Variants in ACOT7 observed in about 807,000 individuals in gnomAD.
ACOT7 encodes acyl-CoA thioesterase 7, also known as cytosolic acyl coenzyme A thioester hydrolase.
A neutral mutation model predicts 40.2 loss-of-function variants in ACOT7; 12 were observed. The observed-to-expected ratio is 0.30, with a 90% CI of 0.19 to 0.48. The LOEUF (loss-of-function observed/expected upper bound fraction) is 0.48, where lower values mean the gene tolerates loss of function less well. ACOT7 is among the 20% of genes least tolerant of loss of function. The probability of loss-of-function intolerance (pLI) is 0.99; values close to 1 mark genes in which losing one functional copy is unlikely to be tolerated. For synonymous variants in ACOT7, 228 were observed against 219.5 expected (o/e 1.04, Z -0.34); for missense variants, 395 against 530.8 (o/e 0.74, Z 2.51).
chr1:6,327,442 C>G (rs763641948), intron 4 of ACOT7, 29 bp from the exon 5 acceptor site: 2 of 1,610,296 alleles, frequency 1.2e-6, no homozygotes, highest in Non-Finnish European at 1.7e-6. Context: ...AGGTCAGGCC[C>G]AGGCAGGACA....
intron 8 of ACOT7, among the ~76,000 whole-genome samples, chr1:6,271,512 A>G (rs2148366450): frequency 6.6e-6 from 1 of 152,324 alleles, no homozygotes; most frequent in South Asian, 2.1e-4. Flanking sequence ...GAAGCCAGCA[A>G]TGATGAGCTT....
At chr1:6,381,951 G>A (rs1170662318) in intron 1 of ACOT7, among the ~76,000 whole-genome samples, 6 of 149,188 alleles carry the variant, frequency 4.0e-5, no homozygotes, top group African/African-American at 1.2e-4. Flanking sequence ...TGGCTAACAC[G>A]GTGAAACCCC....
chr1:6,338,863 G>A lies in ACOT7; in HGVS notation c.418+570C>T, dbSNP rs1641182889. Among the ~76,000 whole-genome samples, 1 of 152,170 alleles carries A rather than the reference G, an allele frequency of 6.6e-6. No homozygotes were observed. The highest frequency in any genetic ancestry group is 6.5e-5 in the Admixed American group (1 of 15,284). On this transcript the variant is annotated intron_variant, in intron 3 of 8. Transcript: ENST00000361521. The surrounding 1 kb of genome is among the most constrained non-coding windows in gnomAD (Gnocchi z 4.4). ...GAAGCGTGAGCTGGTGAACACTGGA[G>A]CCGCCCCCTCCTGCAGCGCCCAGTG... is the stretch of plus-strand genomic sequence containing the variant.
chr1:6,362,952 C>T (rs1304588873), intron 1 of ACOT7, among the ~76,000 whole-genome samples: 2 of 151,546 alleles, frequency 1.3e-5, no homozygotes, highest in African/African-American at 4.9e-5. Context: ...ATCCAGGTGC[C>T]GAGGCAAGAG....
At chr1:6,307,261 G>T (rs78630437) in intron 6 of ACOT7, among the ~76,000 whole-genome samples, 1 of 152,220 alleles carries the variant, frequency 6.6e-6, no homozygotes, top group Non-Finnish European at 1.5e-5. Flanking sequence ...TGCAGCGCAC[G>T]TGCAGCCTGG....
chr1:6,337,318 G>C (rs973048288), intron 3 of ACOT7, among the ~76,000 whole-genome samples: 1 of 152,188 alleles, frequency 6.6e-6, no homozygotes, highest in East Asian at 1.9e-4. Context: ...CCTTGGCTCT[G>C]CACAGGAGCC....
intron 1 of ACOT7, among the ~76,000 whole-genome samples, chr1:6,378,879 G>A (rs1387423031): frequency 6.6e-6 from 1 of 151,708 alleles, no homozygotes; most frequent in African/African-American, 2.4e-5. Context: ...TAGAGTCCTA[G>A]TTTTATTATT....
chr1:6,303,107 A>T (rs1640017129), intron 6 of ACOT7, among the ~76,000 whole-genome samples: 1 of 152,134 alleles, frequency 6.6e-6, no homozygotes, highest in Non-Finnish European at 1.5e-5. Context: ...TCGAGTGCCT[A>T]AGTTTTTTCC....
chr1:6,346,778 G>A (rs1474051604), intron 2 of ACOT7, among the ~76,000 whole-genome samples: 2 of 152,196 alleles, frequency 1.3e-5, no homozygotes, highest in African/African-American at 4.8e-5. Context: ...TGGACCCAAA[G>A]TGGGGGTGGG....
At chr1:6,267,072 G>A (rs559767302) in intron 8 of ACOT7, among the ~76,000 whole-genome samples, 2 of 152,312 alleles carry the variant, frequency 1.3e-5, no homozygotes, top group South Asian at 2.1e-4. Context: ...GAGGAAAGAC[G>A]GCAAGGAGCT....
In ACOT7 at chr1:6,306,274, A is replaced by G. The variant is rs1364536618; in HGVS notation, c.713-11294T>C. On this transcript the variant is annotated intron_variant, in intron 6 of 8. Transcript: ENST00000361521. This position sits in a 1 kb window ranked among gnomAD's most constrained non-coding sequence, Gnocchi z 4.3. The stretch of plus-strand genomic sequence containing the variant: ...GTTCATGGCAAGACCTCAACCAAAT[A>G]CTCCATATTTCTGGAAAGGGGTCAG... The G allele has an allele frequency of 1.0e-6, 1 of 984,000 alleles. No individual in the cohort carries two copies. Among genetic ancestry groups the G allele is most frequent in the Non-Finnish European group, 1.2e-6 (1 of 829,760 alleles). The allele number at this position is 984,000 out of a possible 1,614,324, so 61.0% of individuals were successfully genotyped here.
intron 2 of ACOT7, among the ~76,000 whole-genome samples, chr1:6,343,979 C>T (rs1308698415): frequency 2.0e-5 from 3 of 152,168 alleles, no homozygotes; most frequent in Non-Finnish European, 4.4e-5. Context: ...GGGGCCACGC[C>T]ACGATGGGGA....
At chr1:6,362,169 G>A (rs891497511) in intron 1 of ACOT7, among the ~76,000 whole-genome samples, 10 of 152,324 alleles carry the variant, frequency 6.6e-5, no homozygotes, top group Middle Eastern at 3.4e-3. Flanking sequence ...GGTGGCTCAC[G>A]CCTGTAATCC....
chr1:6,315,101 G>A (rs1448722370), intron 6 of ACOT7, among the ~76,000 whole-genome samples: 1 of 152,200 alleles, frequency 6.6e-6, no homozygotes, highest in Non-Finnish European at 1.5e-5. Context: ...ATTCCAGGCA[G>A]AAGAGCTCCT....
chr1:6,318,719 G>A (rs1640562384), intron 5 of ACOT7, 141 bp from the exon 6 acceptor site: 1 of 783,556 alleles, frequency 1.3e-6, no homozygotes, highest in African/African-American at 1.7e-5. Context: ...TTTCTCTAAG[G>A]AAAACTATGG....
Position 6,282,754 on chromosome 1 carries a change from G to C in ACOT7, c.830-1468C>G. 1 of 1,304,308 alleles carries C rather than the reference G, an allele frequency of 7.7e-7. No individual in the cohort carries two copies. The highest frequency in any genetic ancestry group is 1.2e-5 in the South Asian group (1 of 81,032). The allele number at this position is 1,304,308 out of a possible 1,614,324, so 80.8% of individuals were successfully genotyped here. A position where few individuals can be genotyped will look rare whatever the true frequency, so the allele number is the denominator to read the frequency against. On this transcript the variant is annotated intron_variant, in intron 7 of 8. Transcript: ENST00000361521. The surrounding 1 kb of genome is among the most constrained non-coding windows in gnomAD (Gnocchi z 4.5). Reference sequence around the variant, plus strand: ...GCACTTCGTGCCAGTGCTGGGAGAGGAGGAAGGAGCTGTGTGGTCAGCGCC... The same window carrying C: ...GCACTTCGTGCCAGTGCTGGGAGAGCAGGAAGGAGCTGTGTGGTCAGCGCC...
At position 6,306,552 on chromosome 1, in the gene ACOT7, G is replaced by A. The variant is rs1381356896; in HGVS notation, c.713-11572C>T. On this transcript the variant is annotated intron_variant, in intron 6 of 8. Coordinates refer to ENST00000361521, the MANE Select transcript of ACOT7 (RefSeq NM_007274.4). This position sits in a 1 kb window ranked among gnomAD's most constrained non-coding sequence, Gnocchi z 4.3. The stretch of plus-strand genomic sequence containing the variant: ...GGACGTGAAGCTGTTCTTCAGAACA[G>A]AAGAACCTGGAGAACGATGTTTTCA... The A allele has an allele frequency of 1.0e-6, 1 of 985,426 alleles. No homozygotes were observed. Among genetic ancestry groups the A allele is most frequent in the Non-Finnish European group, 1.2e-6 (1 of 829,926 alleles). 61.0% of individuals were successfully genotyped at this position (985,426 alleles called of 1,614,324 possible).
chr1:6,337,911 G>A (rs1641149460), intron 3 of ACOT7, among the ~76,000 whole-genome samples: 1 of 145,624 alleles, frequency 6.9e-6, no homozygotes. Flanking sequence ...GGAGGCAGGA[G>A]AATAGCTCGA....
At chr1:6,391,961 T>C (rs796381982) in intron 1 of ACOT7, among the ~76,000 whole-genome samples, 39 of 151,636 alleles carry the variant, frequency 2.6e-4, no homozygotes, top group African/African-American at 9.2e-4. Flanking sequence ...TTTGCCCCGC[T>C]TTCCCCACCT....
Sources: allele counts gnomAD v4.1 joint callset (sites outside exome capture counted in the v4.1 genomes callset), GRCh38; gene constraint gnomAD v4.1.1; non-coding constraint Gnocchi (gnomAD v3.1); transcripts MANE v1.5; gene names NCBI Gene and HGNC (gene_info 2026-07-23, HGNC 2026-07-21).